Variants in PLD1 observed in about 807,000 individuals in gnomAD.
PLD1 encodes the protein phospholipase D1.
A neutral mutation model predicts 137.1 loss-of-function variants in PLD1; 112 were observed. The ratio of observed to expected loss-of-function variants is 0.82; its 90% CI spans 0.70 to 0.96. PLD1 has a LOEUF of 0.96. Ranked by LOEUF, PLD1 falls within the 40% of genes least tolerant of loss-of-function variation. The pLI is 0.00. For synonymous variants in PLD1, 431 were observed against 454.7 expected (o/e 0.95, Z 0.66); for missense variants, 1,321 against 1,342.0 (o/e 0.98, Z 0.24).
At chr3:171,712,733 G>T (rs998753868) in intron 9 of PLD1, among the ~76,000 whole-genome samples, 2 of 152,154 alleles carry the variant, frequency 1.3e-5, no homozygotes. Context: ...AGTGAGGGTG[G>T]GAAATGCAGA....
chr3:171,652,305 C>T (rs564644254), intron 21 of PLD1, among the ~76,000 whole-genome samples: 4 of 149,800 alleles, frequency 2.7e-5, no homozygotes, highest in South Asian at 4.3e-4. Context: ...CCCAGCTACT[C>T]GGGAGGCTGA....
chr3:171,633,232 A>G (rs1734825931), intron 23 of PLD1, among the ~76,000 whole-genome samples: 1 of 152,246 alleles, frequency 6.6e-6, no homozygotes, highest in African/African-American at 2.4e-5. Context: ...CTTGACATGT[A>G]ATAGGTACAA....
rs186502523 is a variant in PLD1, at chr3:171,734,982, A to T, written c.435-12T>A. On this transcript the variant is annotated splice_polypyrimidine_tract_variant and intron_variant, in intron 4 of 26. Transcript: ENST00000351298. Reference sequence around the variant, plus strand: ...TCCTAAACGTGTGTCTAAAACACAAACACACAGAATGCAAACACCTACTAG... The same window carrying T: ...TCCTAAACGTGTGTCTAAAACACAATCACACAGAATGCAAACACCTACTAG... 6 of 1,487,362 alleles carry T rather than the reference A, an allele frequency of 4.0e-6. No homozygotes were observed. In the East Asian group the frequency reaches 1.4e-4, roughly 34 times the overall value. 92.1% of individuals were successfully genotyped at this position (1,487,362 alleles called of 1,614,324 possible). A position where few individuals can be genotyped will look rare whatever the true frequency, so the allele number is the denominator to read the frequency against.
intron 1 of PLD1, among the ~76,000 whole-genome samples, chr3:171,766,258 T>C (rs1029657708): frequency 2.0e-5 from 3 of 152,210 alleles, no homozygotes; most frequent in African/African-American, 7.2e-5. Context: ...TACTATTATA[T>C]GTTGGTATAG....
At chr3:171,636,255 G>A (rs954521661) in intron 23 of PLD1, among the ~76,000 whole-genome samples, 1 of 151,874 alleles carries the variant, frequency 6.6e-6, no homozygotes, top group African/African-American at 2.4e-5. Flanking sequence ...TTTTGGCAAT[G>A]CTAAATGCCT....
chr3:171,677,848 A>G, intron 16 of PLD1, 154 bp from the exon 17 acceptor site: 1 of 658,880 alleles, frequency 1.5e-6, no homozygotes, highest in Non-Finnish European at 2.5e-6. Flanking sequence ...GCTGTGGGCT[A>G]ACAAGGTTTT....
intron 13 of PLD1, among the ~76,000 whole-genome samples, chr3:171,690,857 C>G (rs1417448608): frequency 6.6e-6 from 1 of 152,130 alleles, no homozygotes. Flanking sequence ...GTTTACTGTA[C>G]GTTCAAGTCC....
At position 171,662,164 on chromosome 3, in the gene PLD1, G is replaced by A. The variant is rs745485055; in HGVS notation, c.2236C>T (p.Arg746Cys). 60 of 1,600,286 alleles carry A rather than the reference G, an allele frequency of 3.7e-5. No homozygotes were observed. The highest frequency in any genetic ancestry group is 3.0e-4 in the Admixed American group (18 of 59,886). ...CCAGCAGACCAATCAGCAGCAGAGC[G>A]GAGCAACTACAAGGCAGCAATCAGA... is the stretch of plus-strand genomic sequence containing the variant. Reference protein sequence around the residue: ...GSVHANVQLLRSAADWSAGIK... With the variant: ...GSVHANVQLLCSAADWSAGIK... The change falls in exon 20 of 27, where the codon CGC becomes TGC. Residue 746 changes from arginine to cysteine, a missense_variant. Transcript: ENST00000351298.
intron 7 of PLD1, among the ~76,000 whole-genome samples, chr3:171,725,331 C>T (rs1718424189): frequency 6.6e-6 from 1 of 152,174 alleles, no homozygotes; most frequent in Admixed American, 6.5e-5. Context: ...GCATCTCACC[C>T]ACAGATTCCA....
intron 21 of PLD1, among the ~76,000 whole-genome samples, chr3:171,646,997 TC>T (rs1181697146): frequency 4.6e-5 from 7 of 152,228 alleles, no homozygotes. Context: ...ACTTGGCTCT[TC>T]CAGTCAGAGT....
intron 1 of PLD1, among the ~76,000 whole-genome samples, chr3:171,795,524 T>C (rs1723400504): frequency 1.3e-5 from 2 of 152,166 alleles, no homozygotes; most frequent in South Asian, 4.1e-4. Flanking sequence ...CTGGATGCCA[T>C]TCCCAATTAA....
chr3:171,706,977 T>C (rs1228895778), intron 11 of PLD1, among the ~76,000 whole-genome samples: 2 of 152,180 alleles, frequency 1.3e-5, no homozygotes, highest in Admixed American at 6.5e-5. Context: ...CACAGAATAC[T>C]ATGCAGCCAT....
chr3:171,766,339 C>G (rs1721972226), intron 1 of PLD1, among the ~76,000 whole-genome samples: 2 of 152,010 alleles, frequency 1.3e-5, no homozygotes, highest in South Asian at 4.2e-4. Context: ...GTTTAAAATA[C>G]CAATATGTAG....
At chr3:171,694,749 C>T (rs1715526126) in intron 12 of PLD1, among the ~76,000 whole-genome samples, 2 of 152,036 alleles carry the variant, frequency 1.3e-5, no homozygotes, top group African/African-American at 4.8e-5. Context: ...GGAACTTGGC[C>T]TGAATCCTAC....
chr3:171,663,002 G>C (rs1711678003), intron 19 of PLD1, among the ~76,000 whole-genome samples: 1 of 152,188 alleles, frequency 6.6e-6, no homozygotes, highest in Admixed American at 6.5e-5. Context: ...TGGCATGCCA[G>C]TCAATTTGGG....
At position 171,773,623 on chromosome 3, in the gene PLD1, A is replaced by AAACT. The variant is rs143936249; in HGVS notation, c.-31-35545_-31-35542dup. Among the ~76,000 whole-genome samples the AAACT allele has an allele frequency of 2.2e-4, 34 of 152,038 alleles. 1 individual carries two copies. The South Asian group carries it at 6.4e-3, about 29-fold the overall frequency. On this transcript the variant is annotated intron_variant, in intron 1 of 26. Coordinates refer to ENST00000351298, the MANE Select transcript of PLD1 (RefSeq NM_002662.5). ...TCTCAAAAAACAAAACAAAACAAAC[A>AAACT]AACTAACTAAAATGAATAAGGATAG...
At chr3:171,790,864 C>T (rs926463175) in intron 1 of PLD1, among the ~76,000 whole-genome samples, 10 of 152,160 alleles carry the variant, frequency 6.6e-5, no homozygotes, top group African/African-American at 2.4e-4. Context: ...TACCTGGGGG[C>T]TCTGATACTT....
intron 23 of PLD1, among the ~76,000 whole-genome samples, chr3:171,625,453 A>T (rs1202107834): frequency 6.6e-6 from 1 of 152,254 alleles, no homozygotes; most frequent in Admixed American, 6.5e-5. Flanking sequence ...AGACAGCAGT[A>T]ACCTCTGCAG....
At chr3:171,764,578 G>C (rs1439488002) in intron 1 of PLD1, among the ~76,000 whole-genome samples, 1 of 151,832 alleles carries the variant, frequency 6.6e-6, no homozygotes, top group African/African-American at 2.4e-5. Context: ...AAGTTAAAGA[G>C]TTAGACACTC....
Sources: allele counts gnomAD v4.1 joint callset (sites outside exome capture counted in the v4.1 genomes callset), GRCh38; gene constraint gnomAD v4.1.1; transcripts MANE v1.5; gene names NCBI Gene and HGNC (gene_info 2026-07-23, HGNC 2026-07-21).